Variants in SLC39A14 observed in about 807,000 individuals in gnomAD.
SLC39A14 encodes solute carrier family 39 member 14.
In SLC39A14, 19 loss-of-function variants were observed where a neutral mutation model predicts 45.5. The ratio of observed to expected loss-of-function variants is 0.42; its 90% CI spans 0.29 to 0.61. SLC39A14 has a LOEUF of 0.61. SLC39A14 is among the 20% of genes least tolerant of loss of function. The pLI is 0.22. For missense variants in SLC39A14, 447 were observed against 616.5 expected, an observed-to-expected ratio of 0.73 and a Z score of 2.91; for synonymous variants, 264 against 251.3, an observed-to-expected ratio of 1.05 and a Z score of -0.48.
chr8:22,411,698 C>G (rs1835578127), intron 3 of SLC39A14, among the ~76,000 whole-genome samples: 2 of 152,218 alleles, frequency 1.3e-5, no homozygotes, highest in Admixed American at 1.3e-4. Flanking sequence ...GCACCCTGCC[C>G]TGCCAGTCAC....
chr8:22,394,013 T>G (rs1364867288), intron 1 of SLC39A14, among the ~76,000 whole-genome samples: 4 of 149,324 alleles, frequency 2.7e-5, no homozygotes, highest in African/African-American at 7.4e-5. Context: ...AAGGGGTGTT[T>G]TTTTTTTTTT....
At chr8:22,406,385 G>T (rs944850328) in intron 2 of SLC39A14, among the ~76,000 whole-genome samples, 1 of 142,740 alleles carries the variant, frequency 7.0e-6, no homozygotes, top group South Asian at 2.2e-4. Context: ...GGAGGTGGAG[G>T]CCTCAAAAGT....
At chr8:22,391,942 T>C (rs1483365851) in intron 1 of SLC39A14, among the ~76,000 whole-genome samples, 2 of 152,234 alleles carry the variant, frequency 1.3e-5, no homozygotes, top group Non-Finnish European at 2.9e-5. Flanking sequence ...AAAACTTCTC[T>C]GTCTCTAGCA....
At chr8:22,434,005 G>GC in exon 9 of SLC39A14, 1 of 376,750 alleles carries the variant, frequency 2.7e-6, no homozygotes, top group South Asian at 1.9e-5. Context: ...GAGTAACTGA[G>GC]CCAGCCATGT....
chr8:22,383,598 A>G (rs1288003435), intron 1 of SLC39A14, among the ~76,000 whole-genome samples: 1 of 152,146 alleles, frequency 6.6e-6, no homozygotes, highest in Non-Finnish European at 1.5e-5. Context: ...CTTAGAGCAC[A>G]GCGTACTTGA....
chr8:22,391,730 C>G (rs955337390), intron 1 of SLC39A14, among the ~76,000 whole-genome samples: 1 of 152,254 alleles, frequency 6.6e-6, no homozygotes, highest in African/African-American at 2.4e-5. Context: ...CCACCATGCC[C>G]TGCTAATTTT....
intron 3 of SLC39A14, among the ~76,000 whole-genome samples, chr8:22,408,836 T>C (rs1835387898): frequency 1.3e-5 from 2 of 151,056 alleles, no homozygotes; most frequent in Non-Finnish European, 3.0e-5. Context: ...TTTTTTTTTT[T>C]CTGAGATAGG....
intron 7 of SLC39A14, 103 bp downstream of exon 7, chr8:22,416,383 T>C (rs911792282): frequency 1.1e-6 from 1 of 932,802 alleles, no homozygotes; most frequent in Non-Finnish European, 1.7e-6. Flanking sequence ...TTCACAGTGC[T>C]TATTGTAACT....
intron 1 of SLC39A14, among the ~76,000 whole-genome samples, chr8:22,392,534 C>T (rs1267048239): frequency 6.6e-6 from 1 of 152,212 alleles, no homozygotes; most frequent in Non-Finnish European, 1.5e-5. Context: ...AAGCCACATG[C>T]CCGGCCTCAC....
chr8:22,399,283 CTCT>C (rs2132283646), intron 1 of SLC39A14, among the ~76,000 whole-genome samples: 1 of 152,344 alleles, frequency 6.6e-6, no homozygotes, highest in East Asian at 1.9e-4. Context: ...GTGTGTTTCC[CTCT>C]TCTTTCTTTC....
chr8:22,414,635 TG>T, intron 4 of SLC39A14, 144 bp from the exon 5 acceptor site: 1 of 799,756 alleles, frequency 1.3e-6, no homozygotes, highest in Non-Finnish European at 1.9e-6. Context: ...AGATTTTTGC[TG>T]GAAAGAGGAT....
Position 22,421,263 on chromosome 8 carries a change from T to C in SLC39A14, c.*1565T>C. ...GAGCTTTTCTCTTACATAGAAAAAC[T>C]GTCCGCTCTCAGTAATCACAAGCAG... On this transcript the variant is annotated 3_prime_UTR_variant, in exon 9 of 9. Coordinates refer to ENST00000381237, the MANE Select transcript of SLC39A14 (RefSeq NM_001128431.4). The C allele has an allele frequency of 1.0e-6, 1 of 985,862 alleles. No homozygotes were observed. The highest frequency in any genetic ancestry group is 1.2e-6 in the Non-Finnish European group (1 of 829,932). The allele number at this position is 985,862 out of a possible 1,614,324, so 61.1% of individuals were successfully genotyped here. A position where few individuals can be genotyped will look rare whatever the true frequency, so the allele number is the denominator to read the frequency against.
chr8:22,428,535 C>G (rs149210804), intron 8 of SLC39A14, among the ~76,000 whole-genome samples: 1 of 150,858 alleles, frequency 6.6e-6, no homozygotes, highest in Non-Finnish European at 1.5e-5. Flanking sequence ...CTCTGCCTCC[C>G]GGGTTCAAGC....
chr8:22,417,459 A>T (rs1835954578), intron 7 of SLC39A14, among the ~76,000 whole-genome samples, 192 bp from the exon 8 acceptor site: 1 of 152,062 alleles, frequency 6.6e-6, no homozygotes, highest in Admixed American at 6.5e-5. Context: ...GTCTGATGTC[A>T]TCGGTGCCCT....
intron 1 of SLC39A14, among the ~76,000 whole-genome samples, chr8:22,403,706 C>T (rs953238346): frequency 2.7e-5 from 4 of 148,640 alleles, no homozygotes; most frequent in African/African-American, 9.9e-5. Flanking sequence ...ATCACTTGAG[C>T]CCAGGAGTTT....
chr8:22,390,874 C>CCAGT (rs1834035556), intron 1 of SLC39A14, among the ~76,000 whole-genome samples: 1 of 152,038 alleles, frequency 6.6e-6, no homozygotes, highest in Non-Finnish European at 1.5e-5. Context: ...AGCCCTTGAA[C>CCAGT]CAGTCTTAAG....
chr8:22,419,626 C>T lies in SLC39A14; in HGVS notation c.1407C>T (p.Asn469=), dbSNP rs750281602. 1.2e-6 allele frequency: 2 copies of T among 1,614,152 alleles called. No homozygotes were observed. Among genetic ancestry groups the T allele is most frequent in the Admixed American group, 3.3e-5 (2 of 60,026 alleles). The change falls in exon 9 of 9, where the codon AAC becomes AAT. Residue 469 remains asparagine (N), a synonymous_variant. Transcript: ENST00000381237. ...TCTTGATTCCATTTATCATCCAGAA[C>T]CTGGGCCTCCTGACTGGATTCACCA... ...GSILIPFIIQ[N]LGLLTGFTIM...
At chr8:22,425,218 C>T (rs1170574168), downstream of SLC39A14, among the ~76,000 whole-genome samples, 1 of 151,974 alleles carries the variant, frequency 6.6e-6, no homozygotes, top group African/African-American at 2.4e-5. Flanking sequence ...ACTTGTGGCC[C>T]ACGTGGAACA....
intron 1 of SLC39A14, among the ~76,000 whole-genome samples, chr8:22,399,776 G>A (rs1484659996): frequency 6.6e-6 from 1 of 152,262 alleles, no homozygotes; most frequent in Non-Finnish European, 1.5e-5. Flanking sequence ...AAAAGTAAAT[G>A]CTTCGTAGAT....
Sources: gnomAD v4.1 joint callset for allele counts (sites outside exome capture counted in the v4.1 genomes callset) on GRCh38, gnomAD v4.1.1 for gene constraint, MANE v1.5 for transcripts, NCBI Gene and HGNC (gene_info 2026-07-23, HGNC 2026-07-21) for gene names.